NRG4: variants seen among roughly 807,000 people sequenced by gnomAD.
NRG4 encodes neuregulin 4, also known as pro-neuregulin-4, membrane-bound isoform.
NRG4 carries 10 observed loss-of-function variants against 15.0 expected under a neutral mutation model. That is an observed-to-expected ratio of 0.67 (90% CI 0.41 to 1.13). The LOEUF (loss-of-function observed/expected upper bound fraction) is 1.13, where lower values mean the gene tolerates loss of function less well. Ranked by LOEUF, NRG4 falls within the 50% of genes most tolerant of loss-of-function variation. The pLI is 0.00. For missense variants in NRG4, 139 were observed against 140.2 expected, an observed-to-expected ratio of 0.99 and a Z score of 0.04; for synonymous variants, 41 against 50.1, an observed-to-expected ratio of 0.82 and a Z score of 0.77.
intron 4 of NRG4, among the ~76,000 whole-genome samples, chr15:76,042,890 T>G (rs1280603666): frequency 6.6e-6 from 1 of 151,866 alleles, no homozygotes; most frequent in Admixed American, 6.6e-5. Context: ...GGGTTAACAC[T>G]CATGCAAAAA....
intron 4 of NRG4, among the ~76,000 whole-genome samples, chr15:76,046,833 C>T (rs561555136): frequency 2.6e-5 from 4 of 151,012 alleles, no homozygotes; most frequent in African/African-American, 9.9e-5. Flanking sequence ...TAAAAAGCTT[C>T]TGCACAAGGA....
intron 4 of NRG4, among the ~76,000 whole-genome samples, chr15:76,042,281 C>T (rs897784174): frequency 6.6e-6 from 1 of 151,204 alleles, no homozygotes; most frequent in Non-Finnish European, 1.5e-5. Context: ...AATAGAAAAG[C>T]AAAAGCAAAC....
upstream of NRG4, among the ~76,000 whole-genome samples, chr15:76,016,211 A>G (rs924483986): frequency 6.6e-6 from 1 of 151,730 alleles, no homozygotes; most frequent in African/African-American, 2.4e-5. Context: ...ATCATTTTTT[A>G]TTGTGTCTAT....
At chr15:76,020,449 G>C (rs2141926404) in intron 5 of NRG4, among the ~76,000 whole-genome samples, 1 of 152,278 alleles carries the variant, frequency 6.6e-6, no homozygotes, top group South Asian at 2.1e-4. Flanking sequence ...TGCTTTTATG[G>C]AGAAAGTTTT....
At chr15:76,012,850 A>C (rs1379886378), upstream of NRG4, among the ~76,000 whole-genome samples, 1 of 152,174 alleles carries the variant, frequency 6.6e-6, no homozygotes, top group Non-Finnish European at 1.5e-5. Flanking sequence ...AAAAGAAGGT[A>C]ATAGCTATAA....
At chr15:76,026,662 C>T (rs190846698) in intron 5 of NRG4, among the ~76,000 whole-genome samples, 1 of 152,228 alleles carries the variant, frequency 6.6e-6, no homozygotes. Flanking sequence ...CATTTCATTA[C>T]AGAAAACCAA....
At chr15:76,058,040 C>T (rs2036196677) in intron 1 of NRG4, among the ~76,000 whole-genome samples, 1 of 152,096 alleles carries the variant, frequency 6.6e-6, no homozygotes, top group Admixed American at 6.5e-5. Flanking sequence ...AGCGTTATAA[C>T]TGGATGCTTC....
At chr15:75,970,676 G>C (rs951360308) in intron 3 of NRG4, among the ~76,000 whole-genome samples, 2 of 152,216 alleles carry the variant, frequency 1.3e-5, no homozygotes, top group African/African-American at 4.8e-5. Context: ...CCTCCACACT[G>C]TGCAATGTTT....
chr15:76,001,736 C>A (rs1444612712), intron 3 of NRG4, among the ~76,000 whole-genome samples: 1 of 152,160 alleles, frequency 6.6e-6, no homozygotes, highest in East Asian at 1.9e-4. Flanking sequence ...TCTTTTAGTA[C>A]ACAGGGAGGA....
intron 4 of NRG4, among the ~76,000 whole-genome samples, chr15:76,050,692 C>T (rs2141964807): frequency 6.8e-6 from 1 of 148,030 alleles, no homozygotes; most frequent in East Asian, 1.9e-4. Context: ...GATCTGCCCG[C>T]CTTGGCCTCC....
chr15:76,040,009 G>A (rs2141952565), intron 4 of NRG4, among the ~76,000 whole-genome samples: 1 of 151,868 alleles, frequency 6.6e-6, no homozygotes, highest in Admixed American at 6.6e-5. Context: ...CCCCAGCCTG[G>A]GCAACAAAGT....
chr15:76,032,194 T>C (rs149666274), intron 5 of NRG4, among the ~76,000 whole-genome samples: 12 of 152,324 alleles, frequency 7.9e-5, no homozygotes, highest in African/African-American at 2.6e-4. Flanking sequence ...TTCCAGTCAA[T>C]TGGTTGAAAA....
intron 5 of NRG4, among the ~76,000 whole-genome samples, chr15:76,024,422 G>GA (rs1261518458): frequency 1.3e-5 from 2 of 152,172 alleles, no homozygotes; most frequent in Non-Finnish European, 2.9e-5. Context: ...GGACAGCTTA[G>GA]AAGCCATGCA....
chr15:76,043,332 T>A (rs1596057074), intron 4 of NRG4, among the ~76,000 whole-genome samples: 1 of 152,150 alleles, frequency 6.6e-6, no homozygotes, highest in East Asian at 1.9e-4. Context: ...TAAAGGGCAT[T>A]CAGATTGGAA....
chr15:76,059,615 C>T (rs1389229857), intron 1 of NRG4: 1 of 152,374 alleles, frequency 6.6e-6, no homozygotes, highest in Non-Finnish European at 1.5e-5. Flanking sequence ...TCTCCACACG[C>T]TCGCACTCAG....
At chr15:76,046,942 T>G (rs1452471006) in intron 4 of NRG4, among the ~76,000 whole-genome samples, 1 of 150,686 alleles carries the variant, frequency 6.6e-6, no homozygotes, top group Non-Finnish European at 1.5e-5. Flanking sequence ...TATATGGAGC[T>G]CAAACAACTC....
chr15:75,954,751 G>A (rs1357716289), intron 5 of NRG4, among the ~76,000 whole-genome samples: 1 of 151,808 alleles, frequency 6.6e-6, no homozygotes, highest in Non-Finnish European at 1.5e-5. Flanking sequence ...TTCTCATTTT[G>A]AGCACATTTT....
At chr15:76,002,120 C>T (rs746459304) in intron 3 of NRG4, among the ~76,000 whole-genome samples, 6 of 152,066 alleles carry the variant, frequency 3.9e-5, no homozygotes, top group South Asian at 2.1e-4. Flanking sequence ...CCAGCTATTT[C>T]GAAAACTGTG....
chr15:75,953,078 C>T (rs1395504631), intron 5 of NRG4, among the ~76,000 whole-genome samples: 1 of 152,098 alleles, frequency 6.6e-6, no homozygotes, highest in Non-Finnish European at 1.5e-5. Flanking sequence ...AGAATCATAA[C>T]TCAGAATCCA....
Sources: gnomAD v4.1 joint callset for allele counts (sites outside exome capture counted in the v4.1 genomes callset) on GRCh38, gnomAD v4.1.1 for gene constraint, MANE v1.5 for transcripts, NCBI Gene and HGNC (gene_info 2026-07-23, HGNC 2026-07-21) for gene names.